The following SLC49A4 variants were observed in gnomAD, a reference collection of about 807,000 sequenced individuals.
SLC49A4 encodes solute carrier family 49 member 4.
SLC49A4 carries 36 observed loss-of-function variants against 50.6 expected under a neutral mutation model. The ratio of observed to expected loss-of-function variants is 0.71; its 90% CI spans 0.55 to 0.94. The LOEUF is 0.94. SLC49A4 is among the 40% of genes least tolerant of loss of function. The pLI is 0.00. For synonymous variants in SLC49A4, 248 were observed against 241.2 expected (o/e 1.03, Z -0.26); for missense variants, 503 against 605.7 (o/e 0.83, Z 1.78).
intron 4 of SLC49A4, among the ~76,000 whole-genome samples, chr3:122,844,940 G>T (rs1294993005): frequency 6.6e-6 from 1 of 151,856 alleles, no homozygotes; most frequent in Admixed American, 6.6e-5. Context: ...TTATTCATAT[G>T]TGTATATGTG....
chr3:122,831,728 T>C lies in SLC49A4; in HGVS notation c.704-1589T>C, dbSNP rs76739956. Among the ~76,000 whole-genome samples, 648 of 152,264 alleles carry C rather than the reference T, an allele frequency of 4.3e-3. 3 individuals are homozygous for C. The highest frequency in any genetic ancestry group is 7.2e-3 in the Non-Finnish European group (487 of 67,968). ...AATGAAAAACCACTAGATTGTGCAC[T>C]TTAAATGTGTGCATTGTATGTCATG... On this transcript the variant is annotated intron_variant, in intron 3 of 8. Coordinates refer to ENST00000261038, the MANE Select transcript of SLC49A4 (RefSeq NM_032839.3).
intron 7 of SLC49A4, among the ~76,000 whole-genome samples, chr3:122,865,032 A>G (rs1046533232): frequency 2.0e-5 from 3 of 152,146 alleles, no homozygotes; most frequent in African/African-American, 7.2e-5. Context: ...ATAAAAGGGC[A>G]TTCAACATGT....
chr3:122,845,561 C>T (rs939531149), intron 4 of SLC49A4, among the ~76,000 whole-genome samples: 1 of 151,046 alleles, frequency 6.6e-6, no homozygotes, highest in Non-Finnish European at 1.5e-5. Flanking sequence ...TACACTTCAA[C>T]CAGCAGTATA....
chr3:122,833,495 T>C (rs753722138), intron 4 of SLC49A4, 49 bp downstream of exon 4: 2 of 1,513,496 alleles, frequency 1.3e-6, no homozygotes, highest in Non-Finnish European at 1.8e-6. Flanking sequence ...ACCTTCAAGG[T>C]AACTTCAGAT....
chr3:122,875,238 C>T (rs1937250417), intron 8 of SLC49A4, among the ~76,000 whole-genome samples: 1 of 152,172 alleles, frequency 6.6e-6, no homozygotes, highest in South Asian at 2.1e-4. Flanking sequence ...AACCCCCTTC[C>T]ATTAAAGCCA....
intron 8 of SLC49A4, among the ~76,000 whole-genome samples, chr3:122,878,640 A>G (rs1937295332): frequency 6.6e-6 from 1 of 152,234 alleles, no homozygotes; most frequent in South Asian, 2.1e-4. Flanking sequence ...TTGGCATCAT[A>G]TATAACCATT....
chr3:122,828,588 G>A (rs1393787860), intron 3 of SLC49A4, among the ~76,000 whole-genome samples: 1 of 152,158 alleles, frequency 6.6e-6, no homozygotes, highest in Non-Finnish European at 1.5e-5. Flanking sequence ...CAGGCCTGAA[G>A]GGTTTAAGGT....
intron 5 of SLC49A4, among the ~76,000 whole-genome samples, chr3:122,852,223 C>T (rs1224017152): frequency 6.6e-6 from 1 of 152,164 alleles, no homozygotes; most frequent in Non-Finnish European, 1.5e-5. Context: ...AACTCCTGAC[C>T]TCAGGTGATT....
intron 8 of SLC49A4, 40 bp from the exon 9 acceptor site, chr3:122,879,223 T>C (rs779026936): frequency 7.0e-7 from 1 of 1,420,674 alleles, no homozygotes; most frequent in South Asian, 1.1e-5. Flanking sequence ...CTGCTGGTGA[T>C]ACATGAATGT....
chr3:122,851,437 T>C lies in SLC49A4; in HGVS notation c.943-4870T>C, dbSNP rs141726061. Among the ~76,000 whole-genome samples the C allele has an allele frequency of 8.1e-3, 1,234 of 152,266 alleles. 9 individuals carry two copies. Among genetic ancestry groups the C allele is most frequent in the African/African-American group, 0.026 (1,082 of 41,562 alleles). On this transcript the variant is annotated intron_variant, in intron 5 of 8. Coordinates refer to ENST00000261038, the MANE Select transcript of SLC49A4 (RefSeq NM_032839.3). ...TTTTCTGTTGCTGGGCATAGAATTATTGGTTGACAGTCATTTTCTTTTGGT... is the reference window on the plus strand; with the variant it reads ...TTTTCTGTTGCTGGGCATAGAATTACTGGTTGACAGTCATTTTCTTTTGGT...
rs145234832 is a variant in SLC49A4 at position 122,868,763 on chromosome 3, A to G, written c.1139-3652A>G. On this transcript the variant is annotated intron_variant, in intron 7 of 8. Transcript: ENST00000261038. Reference sequence around the variant, plus strand: ...ATGTCCAAGTGATTTCCACATGTCTATCCATTGTAATAGAAACCTCTTGGT... The same window carrying G: ...ATGTCCAAGTGATTTCCACATGTCTGTCCATTGTAATAGAAACCTCTTGGT... Among the ~76,000 whole-genome samples the G allele has an allele frequency of 1.3e-3, 191 of 152,312 alleles. 1 individual carries two copies. The highest frequency in any genetic ancestry group is 2.0e-3 in the Non-Finnish European group (135 of 68,016).
chr3:122,843,077 C>A (rs1298200083), intron 4 of SLC49A4, among the ~76,000 whole-genome samples: 1 of 152,170 alleles, frequency 6.6e-6, no homozygotes, highest in Non-Finnish European at 1.5e-5. Flanking sequence ...CTCTCAGATG[C>A]CTTTAATGTG....
chr3:122,844,871 GAA>G (rs1491190672), intron 4 of SLC49A4, among the ~76,000 whole-genome samples: 1 of 78,008 alleles, frequency 1.3e-5, no homozygotes, highest in Non-Finnish European at 3.5e-5. Flanking sequence ...GCTTCTTGAA[GAA>G]TATATATATA....
Position 122,807,108 on chromosome 3 carries a change from A to C in SLC49A4, c.437+158A>C, listed in dbSNP as rs538322050. Among the ~76,000 whole-genome samples the C allele has an allele frequency of 2.6e-5, 4 of 152,250 alleles. No homozygotes were observed. The South Asian group carries it at 6.2e-4, about 24-fold the overall frequency. ...ATATTTATCAGTTGTCATGGAAGACACTAGTTGTTGTGGAAATAAAAAGAG... is the reference window on the plus strand; with the variant it reads ...ATATTTATCAGTTGTCATGGAAGACCCTAGTTGTTGTGGAAATAAAAAGAG... On this transcript the variant is annotated intron_variant, in intron 2 of 8. Transcript: ENST00000261038.
chr3:122,838,293 C>CT (rs1053181722), intron 4 of SLC49A4, among the ~76,000 whole-genome samples: 2 of 152,160 alleles, frequency 1.3e-5, no homozygotes, highest in African/African-American at 4.8e-5. Context: ...ATAGCAAAGA[C>CT]TTGGAACCAA....
rs868330739 is a variant in SLC49A4, at chr3:122,808,401, C to T, written c.437+1451C>T. On this transcript the variant is annotated intron_variant, in intron 2 of 8. Transcript: ENST00000261038. ...AAGAAAAACCTAACTGGGAAGATAA[C>T]CTTTTGGGATAAAAACCTGACAGAA... is the stretch of plus-strand genomic sequence containing the variant. Among the ~76,000 whole-genome samples, 8 of 152,174 alleles carry T rather than the reference C, an allele frequency of 5.3e-5. No homozygotes were observed. In the South Asian group the frequency reaches 1.7e-3, roughly 32 times the overall value.
chr3:122,841,792 G>C (rs145815149), intron 4 of SLC49A4, among the ~76,000 whole-genome samples: 1 of 152,216 alleles, frequency 6.6e-6, no homozygotes, highest in East Asian at 1.9e-4. Flanking sequence ...ATGTAATAAG[G>C]ATACCTTCTT....
chr3:122,869,937 A>G (rs1224850983), intron 7 of SLC49A4, among the ~76,000 whole-genome samples: 1 of 152,164 alleles, frequency 6.6e-6, no homozygotes, highest in Non-Finnish European at 1.5e-5. Flanking sequence ...ACCATGCTTG[A>G]TTTAAAAAAT....
At chr3:122,803,225 CAG>C (rs1936158807) in intron 1 of SLC49A4, among the ~76,000 whole-genome samples, 1 of 151,992 alleles carries the variant, frequency 6.6e-6, no homozygotes, top group Non-Finnish European at 1.5e-5. Context: ...AACTTGTGGG[CAG>C]AGAGAGTAGG....
Sources: gnomAD v4.1 joint callset for allele counts (sites outside exome capture counted in the v4.1 genomes callset) on GRCh38, gnomAD v4.1.1 for gene constraint, MANE v1.5 for transcripts, NCBI Gene and HGNC (gene_info 2026-07-23, HGNC 2026-07-21) for gene names.